Variants in CRYBG3 observed in about 807,000 individuals in gnomAD.
The protein encoded by CRYBG3 is very large A-kinase anchor protein.
A neutral mutation model predicts 244.2 loss-of-function variants in CRYBG3; 127 were observed. The observed-to-expected ratio is 0.52, with a 90% CI of 0.45 to 0.60. CRYBG3 has a LOEUF of 0.60. Among genes scored for constraint, CRYBG3 ranks in the 20% least tolerant of loss-of-function variants. The pLI, the probability that CRYBG3 is intolerant of heterozygous loss-of-function variation, is 0.00. For synonymous variants in CRYBG3, 1,132 were observed against 1,195.8 expected, an observed-to-expected ratio of 0.95 and a Z score of 1.10; for missense variants, 3,325 against 3,442.5, an observed-to-expected ratio of 0.97 and a Z score of 0.85.
intron 2 of CRYBG3, among the ~76,000 whole-genome samples, chr3:97,849,655 T>C (rs1214708406): frequency 1.3e-5 from 2 of 152,192 alleles, no homozygotes; most frequent in East Asian, 3.8e-4. Context: ...ACCTGGAATG[T>C]TCCTACATTG....
intron 2 of CRYBG3, among the ~76,000 whole-genome samples, chr3:97,848,257 A>T (rs1378938584): frequency 6.6e-6 from 1 of 152,116 alleles, no homozygotes; most frequent in Admixed American, 6.6e-5. Flanking sequence ...ACCAATTTTT[A>T]AAATATGTAT....
At chr3:97,836,386 C>T (rs1321689496) in intron 1 of CRYBG3, among the ~76,000 whole-genome samples, 1 of 151,968 alleles carries the variant, frequency 6.6e-6, no homozygotes, top group Non-Finnish European at 1.5e-5. Flanking sequence ...CGTTAATAGC[C>T]ATTAAAAAAA....
chr3:97,912,401 C>G (rs1201289210), intron 16 of CRYBG3, 125 bp downstream of exon 16: 7 of 467,198 alleles, frequency 1.5e-5, no homozygotes, highest in African/African-American at 8.1e-5. Flanking sequence ...ATTTTACCTG[C>G]TAACTGGTCT....
At chr3:97,929,120 G>A (rs559567541) in intron 17 of CRYBG3, among the ~76,000 whole-genome samples, 1 of 151,980 alleles carries the variant, frequency 6.6e-6, no homozygotes, top group East Asian at 1.9e-4. Context: ...TTTAGAAACT[G>A]TATCCTCTTT....
intron 7 of CRYBG3, among the ~76,000 whole-genome samples, chr3:97,881,721 GTAA>G (rs1463896097): frequency 6.6e-6 from 1 of 150,998 alleles, no homozygotes; most frequent in African/African-American, 2.4e-5. Context: ...GTCTCAAAAA[GTAA>G]TAATAAATAA....
intron 14 of CRYBG3, 152 bp downstream of exon 14, chr3:97,899,415 A>G (rs763084706): frequency 8.5e-5 from 64 of 750,466 alleles, no homozygotes; most frequent in Non-Finnish European, 1.3e-4. Context: ...TATAGACTCC[A>G]TAGACAGTAG....
Position 97,873,685 on chromosome 3 carries a change from G to T in CRYBG3, c.2491G>T (p.Gly831Ter). The T allele has an allele frequency of 6.5e-7, 1 of 1,535,774 alleles. No individual in the cohort carries two copies. The highest frequency in any genetic ancestry group is 8.7e-7 in the Non-Finnish European group (1 of 1,146,794). Residue 831 changes from glycine (G) to a stop codon, truncating the protein, a stop_gained, in exon 4 of 22, where the codon GGA becomes TGA. Coordinates refer to ENST00000389622, the MANE Select transcript of CRYBG3 (RefSeq NM_153605.4). LOFTEE classifies it high-confidence loss of function. Reference sequence around the variant, plus strand: ...CAATGTTCTTGTGGAGTCACATTCTGGAAGAGGAAAAACTATATCCTTGTC... The same window carrying T: ...CAATGTTCTTGTGGAGTCACATTCTTGAAGAGGAAAAACTATATCCTTGTC... ...QNNVLVESHS[G>*]RGKTISLSKV...
At chr3:97,835,035 A>G (rs771656442) in intron 1 of CRYBG3, among the ~76,000 whole-genome samples, 1 of 152,168 alleles carries the variant, frequency 6.6e-6, no homozygotes, top group Non-Finnish European at 1.5e-5. Flanking sequence ...AAATATTTTT[A>G]TAAAAGTAAA....
At position 97,877,252 on chromosome 3, in the gene CRYBG3, C is replaced by T. The variant is rs2039389618; in HGVS notation, c.6058C>T (p.Gln2020Ter). The T allele has an allele frequency of 1.9e-6, 3 of 1,613,920 alleles. No individual in the cohort carries two copies. The highest frequency in any genetic ancestry group is 2.2e-5 in the East Asian group (1 of 44,858). ...CAAGTATGCTTCCGCAGAAGCAAGA[C>T]AAACACAGTCTGTCTTGTTTCATGA... ...EDKYASAEAR[Q>*]TQSVLFHDTS... Residue 2020 changes from glutamine (Q) to a stop codon, truncating the protein, a stop_gained, in exon 4 of 22, where the codon CAA becomes TAA. Coordinates refer to ENST00000389622, the MANE Select transcript of CRYBG3 (RefSeq NM_153605.4). LOFTEE classifies it high-confidence loss of function.
Position 97,892,840 on chromosome 3 carries a change from C to T in CRYBG3, c.7441-20C>T, listed in dbSNP as rs2039596423. Reference sequence around the variant, plus strand: ...ATATGTGTCTATATTAAAATATAAACATGTTAAATAATTTTTCAGGTTATT... The same window carrying T: ...ATATGTGTCTATATTAAAATATAAATATGTTAAATAATTTTTCAGGTTATT... On this transcript the variant is annotated intron_variant, in intron 10 of 21. Transcript: ENST00000389622. 1 of 1,309,220 alleles carries T rather than the reference C, an allele frequency of 7.6e-7. No homozygotes were observed. Among genetic ancestry groups the T allele is most frequent in the South Asian group, 1.4e-5 (1 of 71,010 alleles). 81.1% of individuals were successfully genotyped at this position (1,309,220 alleles called of 1,614,324 possible).
At chr3:97,849,152 G>T (rs760094026) in intron 2 of CRYBG3, among the ~76,000 whole-genome samples, 5 of 152,134 alleles carry the variant, frequency 3.3e-5, no homozygotes, top group Non-Finnish European at 5.9e-5. Flanking sequence ...TTTCATAGAG[G>T]TGTTTTAGAA....
intron 2 of CRYBG3, among the ~76,000 whole-genome samples, chr3:97,846,412 T>A (rs745838770): frequency 1.3e-4 from 20 of 152,240 alleles, no homozygotes; most frequent in Non-Finnish European, 2.2e-4. Context: ...GGCTCCTGTG[T>A]CTTTACGTGA....
chr3:97,829,078 A>G (rs1337865860), intron 1 of CRYBG3, among the ~76,000 whole-genome samples: 1 of 152,138 alleles, frequency 6.6e-6, no homozygotes, highest in Non-Finnish European at 1.5e-5. Context: ...ATAAAGTAAG[A>G]AAAAGATTGG....
At chr3:97,878,404 C>T (rs533502910) in intron 4 of CRYBG3, among the ~76,000 whole-genome samples, 6 of 152,066 alleles carry the variant, frequency 3.9e-5, no homozygotes, top group African/African-American at 1.2e-4. Flanking sequence ...AGTGAGACTC[C>T]GTCTCAAACA....
chr3:97,919,766 T>C (rs1438312805), intron 17 of CRYBG3, among the ~76,000 whole-genome samples: 2 of 149,524 alleles, frequency 1.3e-5, no homozygotes, highest in African/African-American at 4.9e-5. Flanking sequence ...TGGTGTAGAG[T>C]TCCATGAATG....
intron 17 of CRYBG3, among the ~76,000 whole-genome samples, chr3:97,926,530 T>C (rs2040042234): frequency 1.3e-5 from 2 of 151,922 alleles, no homozygotes; most frequent in African/African-American, 4.8e-5. Context: ...TGCCCACTCT[T>C]ACCTCTGCTG....
intron 7 of CRYBG3, among the ~76,000 whole-genome samples, chr3:97,883,868 C>T (rs1297576892): frequency 6.6e-6 from 1 of 152,164 alleles, no homozygotes; most frequent in Non-Finnish European, 1.5e-5. Context: ...GACGGATTCA[C>T]TTCTCCCTAT....
intron 2 of CRYBG3, among the ~76,000 whole-genome samples, chr3:97,846,379 TC>T (rs2108176170): frequency 6.6e-6 from 1 of 152,330 alleles, no homozygotes; most frequent in East Asian, 1.9e-4. Context: ...AGTAATATCT[TC>T]CGATCCTTTG....
At chr3:97,882,205 CTAATAA>C (rs5851083) in intron 7 of CRYBG3, among the ~76,000 whole-genome samples, 10 of 149,336 alleles carry the variant, frequency 6.7e-5, no homozygotes, top group South Asian at 2.1e-4. Context: ...AAGACTCTGT[CTAATAA>C]TAATAATAAT....
Sources: allele counts gnomAD v4.1 joint callset (sites outside exome capture counted in the v4.1 genomes callset), GRCh38; gene constraint gnomAD v4.1.1; transcripts MANE v1.5; gene names NCBI Gene and HGNC (gene_info 2026-07-23, HGNC 2026-07-21).